Variants in MAP3K11 observed in about 807,000 individuals in gnomAD.
The protein encoded by MAP3K11 is mitogen-activated protein kinase kinase kinase 11.
A neutral mutation model predicts 84.9 loss-of-function variants in MAP3K11; 46 were observed. The ratio of observed to expected loss-of-function variants is 0.54; its 90% confidence interval spans 0.43 to 0.69. The LOEUF (loss-of-function observed/expected upper bound fraction) is 0.69, where lower values mean the gene tolerates loss of function less well. MAP3K11 is among the 30% of genes least tolerant of loss of function. The pLI, the probability that MAP3K11 is intolerant of heterozygous loss-of-function variation, is 0.00. For missense variants in MAP3K11, 1,053 were observed against 1,198.3 expected, an observed-to-expected ratio of 0.88 and a Z score of 1.79; for synonymous variants, 527 against 514.7, an observed-to-expected ratio of 1.02 and a Z score of -0.32.
chr11:65,606,389 T>C (rs1037333436), intron 6 of MAP3K11: 3 of 423,362 alleles, frequency 7.1e-6, no homozygotes, highest in African/African-American at 2.1e-5. Context: ...ACTTTTCTCA[T>C]CCATAAAACT....
At position 65,605,986 on chromosome 11, in the gene MAP3K11, C is replaced by T. The variant is rs1854502529; in HGVS notation, c.1699G>A (p.Gly567Ser). ...NGERRACWAW[G>S]PSSPKPGEAQ... ...TCCCCAGGCTTGGGGGAACTGGGAC[C>T]CCAAGCCCAGCATGCTCGCCGCTCT... The change falls in exon 7 of 10, where the codon GGT becomes AGT. Residue 567 changes from glycine to serine, a missense_variant. Around this residue, in one of 3 missense-constraint regions of MAP3K11, gnomAD observed 583 missense variants for 566.6 expected, o/e 1.03. Coordinates refer to ENST00000309100, the MANE Select transcript of MAP3K11 (RefSeq NM_002419.4). The T allele has an allele frequency of 2.5e-6, 4 of 1,602,008 alleles. No individual in the cohort carries two copies. The highest frequency in any genetic ancestry group is 3.4e-6 in the Non-Finnish European group (4 of 1,175,648).
chr11:65,598,712 T>A (rs1378222820), intron 9 of MAP3K11, 84 bp from the exon 10 acceptor site: 4 of 1,038,302 alleles, frequency 3.9e-6, no homozygotes, highest in African/African-American at 3.3e-5. Context: ...TGGGCCTCAG[T>A]TTCCCCATGT....
Position 65,607,827 on chromosome 11 carries a change from G to A in MAP3K11, c.1070-11C>T, listed in dbSNP as rs1396940612. On this transcript the variant is annotated splice_polypyrimidine_tract_variant and intron_variant, in intron 3 of 9. Coordinates refer to ENST00000309100, the MANE Select transcript of MAP3K11 (RefSeq NM_002419.4). ...CCTGCGCCCAGCAGTCTAGGGGCACGGCGTGCAGCGGGGACAGAATAAGAA... is the reference window on the plus strand; with the variant it reads ...CCTGCGCCCAGCAGTCTAGGGGCACAGCGTGCAGCGGGGACAGAATAAGAA... 2.5e-6 allele frequency: 4 copies of A among 1,607,790 alleles called. No homozygotes were observed. Among genetic ancestry groups the A allele is most frequent in the South Asian group, 1.1e-5 (1 of 90,996 alleles).
chr11:65,607,049 A>T, intron 5 of MAP3K11: 87 of 643,614 alleles, frequency 1.4e-4, no homozygotes, highest in Non-Finnish European at 1.8e-4. Context: ...AACTTTCGTG[A>T]ACCCCACCCC....
At chr11:65,598,781 T>G (rs1342658007) in intron 9 of MAP3K11, among the ~76,000 whole-genome samples, 153 bp from the exon 10 acceptor site, 1 of 152,218 alleles carries the variant, frequency 6.6e-6, no homozygotes, top group Non-Finnish European at 1.5e-5. Context: ...GTGCCTCTGT[T>G]TTTTGTAATA....
Position 65,598,600 on chromosome 11 carries a change from T to A in MAP3K11, c.2235A>T (p.Thr745=). The A allele has an allele frequency of 6.4e-7, 1 of 1,563,050 alleles. No individual in the cohort carries two copies. Among genetic ancestry groups the A allele is most frequent in the Non-Finnish European group, 8.7e-7 (1 of 1,152,682 alleles). Residue 745 remains threonine, a synonymous_variant, in exon 10 of 10, where the codon ACA becomes ACT. Transcript: ENST00000309100. ...RGGTVSPPPG[T]SRSAPGTPGT... The stretch of plus-strand genomic sequence containing the variant: ...CTGGGGTGCCAGGAGCAGAGCGTGA[T>A]GTCCCCGGTGGGGGTGAGACAGTGC...
chr11:65,614,000 G>A lies in MAP3K11; in HGVS notation c.-244C>T. 5.8e-6 allele frequency: 3 copies of A among 520,534 alleles called. No individual in the cohort carries two copies. The South Asian group carries it at 8.5e-5, about 15-fold the overall frequency. 32.2% of individuals were successfully genotyped at this position (520,534 alleles called of 1,614,324 possible). ...GGGGGGGTGGGGCCCCGGGGCCTCC[G>A]GCGCCTCACCATGGCTAGCTTGGAG... On this transcript the variant is annotated 5_prime_UTR_variant, in exon 1 of 10. Transcript: ENST00000309100.
At position 65,613,918 on chromosome 11, in the gene MAP3K11, C is replaced by T. The variant is rs951723486; in HGVS notation, c.-162G>A. 1.3e-5 allele frequency: 11 copies of T among 832,882 alleles called. No individual in the cohort carries two copies. The highest frequency in any genetic ancestry group is 3.8e-5 in the South Asian group (2 of 52,042). 51.6% of individuals were successfully genotyped at this position (832,882 alleles called of 1,614,324 possible). A position where few individuals can be genotyped will look rare whatever the true frequency, so the allele number is the denominator to read the frequency against. On this transcript the variant is annotated 5_prime_UTR_variant, in exon 1 of 10. Coordinates refer to ENST00000309100, the MANE Select transcript of MAP3K11 (RefSeq NM_002419.4). ...CTGGGGAGCCAGGAGTGTTGTCTCC[C>T]GGCCCCCCGCATCTCGGGCTTCTGG...
At chr11:65,606,326 G>C in intron 6 of MAP3K11, 1 of 456,078 alleles carries the variant, frequency 2.2e-6, no homozygotes, top group South Asian at 5.2e-5. Context: ...CCAACTGCCT[G>C]AGTTTGATTC....
chr11:65,602,241 G>A (rs1854464191), intron 8 of MAP3K11, among the ~76,000 whole-genome samples: 1 of 150,480 alleles, frequency 6.6e-6, no homozygotes, highest in East Asian at 2.0e-4. Context: ...GCTGGGAGTG[G>A]TGGCTCAAGC....
rs530354487 is a variant in MAP3K11 at position 65,600,011 on chromosome 11, G to A, written c.1832-243C>T. Reference sequence around the variant, plus strand: ...GCAGCAAAGCCCAATGGCAGCCAGCGACCCCAGACCCGAAAGATGGATGGG... The same window carrying A: ...GCAGCAAAGCCCAATGGCAGCCAGCAACCCCAGACCCGAAAGATGGATGGG... On this transcript the variant is annotated intron_variant, in intron 8 of 9. Coordinates refer to ENST00000309100, the MANE Select transcript of MAP3K11 (RefSeq NM_002419.4). Among the ~76,000 whole-genome samples, 6 of 152,360 alleles carry A rather than the reference G, an allele frequency of 3.9e-5. 1 individual carries two copies. In the South Asian group the frequency reaches 8.3e-4, roughly 21 times the overall value.
intron 6 of MAP3K11, 134 bp downstream of exon 6, chr11:65,606,556 GC>G (rs1854510065): frequency 1.6e-6 from 1 of 631,600 alleles, no homozygotes; most frequent in Non-Finnish European, 2.8e-6. Context: ...GAGGTAACAG[GC>G]TAGACCTAAG....
chr11:65,609,388 A>G (rs753890416), intron 1 of MAP3K11: 1 of 152,220 alleles, frequency 6.6e-6, no homozygotes, highest in Non-Finnish European at 1.5e-5. Context: ...GGTCCAAGAA[A>G]GTGATGGTTC....
rs1352475109 is a variant in MAP3K11 at position 65,599,521 on chromosome 11, G to C, written c.2079C>G (p.Ser693=). 1 of 1,494,794 alleles carries C rather than the reference G, an allele frequency of 6.7e-7. No homozygotes were observed. The highest frequency in any genetic ancestry group is 8.9e-7 in the Non-Finnish European group (1 of 1,128,174). 92.6% of individuals were successfully genotyped at this position (1,494,794 alleles called of 1,614,324 possible). A position where few individuals can be genotyped will look rare whatever the true frequency, so the allele number is the denominator to read the frequency against. Reference sequence around the variant, plus strand: ...TCTTGAGCGAGAAGCAGATGAGCGGGGAAGGGGGCGGCTCGGTCGGGCAGG... The same window carrying C: ...TCTTGAGCGAGAAGCAGATGAGCGGCGAAGGGGGCGGCTCGGTCGGGCAGG... The part of the protein sequence containing the change: ...PAPCPTEPPP[S]PLICFSLKTP... Residue 693 remains serine, a synonymous_variant, in exon 9 of 10, where the codon TCC becomes TCG. Coordinates refer to ENST00000309100, the MANE Select transcript of MAP3K11 (RefSeq NM_002419.4).
At chr11:65,608,812 C>G (rs185137040) in intron 1 of MAP3K11, 2 of 206,348 alleles carry the variant, frequency 9.7e-6, no homozygotes, top group African/African-American at 4.7e-5. Context: ...GACAGGGTTT[C>G]TCCATGTTGG....
Position 65,607,269 on chromosome 11 carries a change from C to T in MAP3K11, c.1489+1G>A. 6.6e-7 allele frequency: 1 copy of T among 1,513,824 alleles called. No homozygotes were observed. Among genetic ancestry groups the T allele is most frequent in the Non-Finnish European group, 8.8e-7 (1 of 1,140,058 alleles). 93.8% of individuals were successfully genotyped at this position (1,513,824 alleles called of 1,614,324 possible). A position where few individuals can be genotyped will look rare whatever the true frequency, so the allele number is the denominator to read the frequency against. ...GGGACGCCCCGGGGCCCGGCCCTCACCGAGTGGCATGCTGATACGCTCGCC... is the reference window on the plus strand; with the variant it reads ...GGGACGCCCCGGGGCCCGGCCCTCATCGAGTGGCATGCTGATACGCTCGCC... On this transcript the variant is annotated splice_donor_variant, in intron 5 of 9. Transcript: ENST00000309100. LOFTEE classifies it high-confidence loss of function.
Position 65,606,036 on chromosome 11 carries a change from CGGGGGG to C in MAP3K11, c.1643_1648del (p.Ser548_Arg550delinsTer). On this transcript the variant is annotated stop_gained and inframe_deletion, in exon 7 of 10. Coordinates refer to ENST00000309100, the MANE Select transcript of MAP3K11 (RefSeq NM_002419.4). LOFTEE classifies it high-confidence loss of function. ...TCCATTGCTTGAGTCCTCCAGACGT[CGGGGGG>C]ACTGGCGGCCCCATGCCTGGCCTGG... 1 of 1,591,642 alleles carries C rather than the reference CGGGGGG, an allele frequency of 6.3e-7. No individual in the cohort carries two copies. Among genetic ancestry groups the C allele is most frequent in the South Asian group, 1.1e-5 (1 of 89,096 alleles).
chr11:65,603,219 G>T (rs920933642), intron 8 of MAP3K11, among the ~76,000 whole-genome samples: 1 of 152,242 alleles, frequency 6.6e-6, no homozygotes, highest in Non-Finnish European at 1.5e-5. Flanking sequence ...GGTTCTGAAG[G>T]GTAAGGGACT....
chr11:65,608,457 GA>G lies in MAP3K11; in HGVS notation c.740-10del. 6.2e-7 allele frequency: 1 copy of G among 1,613,858 alleles called. No homozygotes were observed. The highest frequency in any genetic ancestry group is 8.5e-7 in the Non-Finnish European group (1 of 1,179,780). On this transcript the variant is annotated splice_polypyrimidine_tract_variant and intron_variant, in intron 1 of 9. Transcript: ENST00000309100. ...GGGCTGCAGCAGCAAAACTAGAGAA[GA>G]GGGGCCAGATTGTGGATGCTCCAGG...
Sources: gnomAD v4.1 joint callset for allele counts (sites outside exome capture counted in the v4.1 genomes callset) on GRCh38, gnomAD v4.1.1 for gene constraint, gnomAD v4.1.1 regional missense constraint, MANE v1.5 for transcripts, NCBI Gene and HGNC (gene_info 2026-07-23, HGNC 2026-07-21) for gene names.